Variants in PCDHGB2 observed in about 807,000 individuals in gnomAD.
PCDHGB2 encodes the protein protocadherin gamma subfamily B, 2.
A neutral mutation model predicts 59.3 loss-of-function variants in PCDHGB2; 55 were observed. The ratio of observed to expected loss-of-function variants is 0.93; its 90% CI spans 0.75 to 1.16. The LOEUF is 1.16. PCDHGB2 is among the 50% of genes most tolerant of loss of function. PCDHGB2 has a pLI of 0.00. For synonymous variants in PCDHGB2, 516 were observed against 512.0 expected, an observed-to-expected ratio of 1.01 and a Z score of -0.11; for missense variants, 1,228 against 1,198.5, an observed-to-expected ratio of 1.02 and a Z score of -0.36.
At chr5:141,455,159 G>GT (rs1390145608) in intron 1 of PCDHGB2, among the ~76,000 whole-genome samples, 2,419 of 144,948 alleles carry the variant, frequency 0.017, 50 homozygotes, top group African/African-American at 0.056. Context: ...TTAGTTTGTT[G>GT]GTTTTTTTTT....
In PCDHGB2 at chr5:141,431,430, G is replaced by A; in HGVS notation, c.2422-63377G>A. ...GACGGGGGCGACCCGGTGCGCACAG[G>A]CACCGCGCGCATCCGCGTGATGGTT... is the stretch of plus-strand genomic sequence containing the variant. On this transcript the variant is annotated intron_variant, in intron 1 of 3. Coordinates refer to ENST00000522605, the MANE Select transcript of PCDHGB2 (RefSeq NM_018923.3). The surrounding 1 kb of genome is among the most constrained non-coding windows in gnomAD (Gnocchi z 4.8). 1 of 1,613,680 alleles carries A rather than the reference G, an allele frequency of 6.2e-7. No individual in the cohort carries two copies. The highest frequency in any genetic ancestry group is 8.5e-7 in the Non-Finnish European group (1 of 1,180,018).
chr5:141,485,060 G>C lies in PCDHGB2; in HGVS notation c.2422-9747G>C. ...ACCCTTGCGGCGCCGGCCGAACCGCGCCAGAGCTGGCGCGGGGAAAGGGAG... is the reference window on the plus strand; with the variant it reads ...ACCCTTGCGGCGCCGGCCGAACCGCCCCAGAGCTGGCGCGGGGAAAGGGAG... On this transcript the variant is annotated intron_variant, in intron 1 of 3. Transcript: ENST00000522605. This position sits in a 1 kb window ranked among gnomAD's most constrained non-coding sequence, Gnocchi z 5.7. 1 of 862,304 alleles carries C rather than the reference G, an allele frequency of 1.2e-6. No individual in the cohort carries two copies. The highest frequency in any genetic ancestry group is 1.9e-6 in the Non-Finnish European group (1 of 540,422). 53.4% of individuals were successfully genotyped at this position (862,304 alleles called of 1,614,324 possible).
At position 141,432,180 on chromosome 5, in the gene PCDHGB2, T is replaced by G. The variant is rs943491593; in HGVS notation, c.2422-62627T>G. 2 of 1,614,044 alleles carry G rather than the reference T, an allele frequency of 1.2e-6. No homozygotes were observed. The highest frequency in any genetic ancestry group is 1.7e-6 in the Non-Finnish European group (2 of 1,180,036). ...CCCAGAGGAGTTTCCCTCGTCTCTG[T>G]GACCGCCCACGACCCCGACTGTGAA... On this transcript the variant is annotated intron_variant, in intron 1 of 3. Coordinates refer to ENST00000522605, the MANE Select transcript of PCDHGB2 (RefSeq NM_018923.3). This position sits in a 1 kb window ranked among gnomAD's most constrained non-coding sequence, Gnocchi z 6.0.
intron 1 of PCDHGB2, among the ~76,000 whole-genome samples, chr5:141,368,185 A>G (rs77366155): frequency 0.033 from 4,989 of 152,312 alleles, 94 homozygotes; most frequent in African/African-American, 0.059. Flanking sequence ...ATGACTAAAT[A>G]AGGGGAAAAG....
At chr5:141,422,153 AT>A (rs750082013) in intron 1 of PCDHGB2, 4 of 1,575,250 alleles carry the variant, frequency 2.5e-6, no homozygotes, top group Non-Finnish European at 3.4e-6. Context: ...GGGTCTCTGG[AT>A]TTTGAAAAAT....
intron 1 of PCDHGB2, among the ~76,000 whole-genome samples, chr5:141,424,889 G>A (rs1173725674): frequency 6.6e-6 from 1 of 152,090 alleles, no homozygotes; most frequent in Non-Finnish European, 1.5e-5. Flanking sequence ...ACTTATCTAG[G>A]GTTTTTGATC....
intron 1 of PCDHGB2, among the ~76,000 whole-genome samples, chr5:141,363,558 AAT>A (rs1421241978): frequency 8.5e-5 from 13 of 152,396 alleles, no homozygotes; most frequent in Non-Finnish European, 1.9e-4. Flanking sequence ...TGAACATGGT[AAT>A]AGAAAAACAT....
At chr5:141,402,272 G>A (rs934353221) in intron 1 of PCDHGB2, among the ~76,000 whole-genome samples, 7 of 151,874 alleles carry the variant, frequency 4.6e-5, no homozygotes, top group African/African-American at 1.2e-4. Context: ...TAATTTCAAA[G>A]TGGATAATCT....
chr5:141,502,028 G>A (rs561260963), intron 2 of PCDHGB2, among the ~76,000 whole-genome samples: 62 of 152,150 alleles, frequency 4.1e-4, no homozygotes, highest in African/African-American at 1.5e-3. Flanking sequence ...TGCAACCCCC[G>A]CCGCTTGCCT....
At chr5:141,410,147 G>T in intron 1 of PCDHGB2, 1 of 1,612,952 alleles carries the variant, frequency 6.2e-7, no homozygotes, top group Non-Finnish European at 8.5e-7. Flanking sequence ...TGTGCGTGAC[G>T]GTGGACAGCC....
At chr5:141,398,683 C>T (rs910361681) in intron 1 of PCDHGB2, 1 of 1,613,796 alleles carries the variant, frequency 6.2e-7, no homozygotes, top group African/African-American at 1.3e-5. Flanking sequence ...TAAGGAGAAA[C>T]AGGATGGTAG....
At chr5:141,372,970 T>C (rs866196404) in intron 1 of PCDHGB2, 1 of 680,560 alleles carries the variant, frequency 1.5e-6, no homozygotes, top group East Asian at 2.8e-5. Flanking sequence ...GAATTTCCTG[T>C]AGAATATCTG....
chr5:141,502,679 T>C (rs943238781), intron 2 of PCDHGB2, among the ~76,000 whole-genome samples: 1 of 152,236 alleles, frequency 6.6e-6, no homozygotes, highest in Non-Finnish European at 1.5e-5. Flanking sequence ...TAGTATTCCC[T>C]GATGATCCTT....
At chr5:141,394,938 G>T (rs367656720) in intron 1 of PCDHGB2, 1 of 1,613,662 alleles carries the variant, frequency 6.2e-7, no homozygotes, top group Non-Finnish European at 8.5e-7. Context: ...CGCCTTTGTC[G>T]CTGTGCTTCT....
intron 1 of PCDHGB2, among the ~76,000 whole-genome samples, chr5:141,443,781 C>CA (rs1227271563): frequency 8.6e-5 from 13 of 150,636 alleles, no homozygotes; most frequent in South Asian, 2.1e-4. Flanking sequence ...ACCAAAAAGA[C>CA]AAAAAAAATG....
rs1688094877 is a variant in PCDHGB2 at position 141,432,625 on chromosome 5, C to T, written c.2422-62182C>T. 1.2e-6 allele frequency: 2 copies of T among 1,613,240 alleles called. No individual in the cohort carries two copies. The highest frequency in any genetic ancestry group is 1.7e-6 in the Non-Finnish European group (2 of 1,179,778). ...CGGGACTCTTCTCGGTGGGTCTGCA[C>T]ACGGGCGAGGTGCGCACGGCGCGAG... On this transcript the variant is annotated intron_variant, in intron 1 of 3. Coordinates refer to ENST00000522605, the MANE Select transcript of PCDHGB2 (RefSeq NM_018923.3). The surrounding 1 kb of genome is among the most constrained non-coding windows in gnomAD (Gnocchi z 6.0).
chr5:141,474,260 A>G (rs1459875243), intron 1 of PCDHGB2, among the ~76,000 whole-genome samples: 1 of 152,170 alleles, frequency 6.6e-6, no homozygotes, highest in Non-Finnish European at 1.5e-5. Flanking sequence ...AGACTGATAA[A>G]CCAGTGTATC....
In PCDHGB2 at chr5:141,374,604, G is replaced by A. The variant is rs538426396; in HGVS notation, c.2421+12048G>A. ...TCCCTTCAGGGATTTAAGCTCAGTG[G>A]TAATAGTCACTTCTCAGTGGACGTG... On this transcript the variant is annotated intron_variant, in intron 1 of 3. Coordinates refer to ENST00000522605, the MANE Select transcript of PCDHGB2 (RefSeq NM_018923.3). 4.6e-5 allele frequency: 75 copies of A among 1,613,652 alleles called. No individual in the cohort carries two copies. In the South Asian group the frequency reaches 6.8e-4, roughly 15 times the overall value.
chr5:141,394,393 A>G lies in PCDHGB2; in HGVS notation c.2421+31837A>G, dbSNP rs201461446. ...TCTTTCGACTATGAGCAGATCCGAG[A>G]CCTGCAGCTACTGGTAACAGCCAGC... On this transcript the variant is annotated intron_variant, in intron 1 of 3. Coordinates refer to ENST00000522605, the MANE Select transcript of PCDHGB2 (RefSeq NM_018923.3). The G allele has an allele frequency of 4.3e-4, 696 of 1,614,048 alleles. No individual in the cohort carries two copies. The highest frequency in any genetic ancestry group is 5.7e-4 in the Non-Finnish European group (671 of 1,180,036).
Sources: gnomAD v4.1 joint callset for allele counts (sites outside exome capture counted in the v4.1 genomes callset) on GRCh38, gnomAD v4.1.1 for gene constraint, Gnocchi (gnomAD v3.1) non-coding constraint, MANE v1.5 for transcripts, NCBI Gene and HGNC (gene_info 2026-07-23, HGNC 2026-07-21) for gene names.